IL1RL2: variants seen among roughly 807,000 people sequenced by gnomAD.
The protein encoded by IL1RL2 is interleukin 1 receptor like 2, also known as interleukin-1 receptor-like 2.
In IL1RL2, 68 loss-of-function variants were observed where a neutral mutation model predicts 66.8. The observed-to-expected ratio is 1.02, with a 90% CI of 0.84 to 1.25. The LOEUF is 1.25. Among genes scored for constraint, IL1RL2 ranks in the 50% most tolerant of loss-of-function variants. IL1RL2 has a pLI of 0.00. For missense variants in IL1RL2, 729 were observed against 709.3 expected (o/e 1.03, Z -0.32); for synonymous variants, 305 against 264.6 (o/e 1.15, Z -1.48).
At position 102,227,323 on chromosome 2, in the gene IL1RL2, C is replaced by A. The variant is rs1690708069; in HGVS notation, c.1135+1282C>A. ...GGGCCAGCTAAAACATAAAAGAGGT[C>A]ACTGGCATCAAGTGCTTGCTTTGCA... On this transcript the variant is annotated intron_variant, in intron 9 of 11. Coordinates refer to ENST00000264257, the MANE Select transcript of IL1RL2 (RefSeq NM_003854.4). 3.3e-5 allele frequency among the ~76,000 whole-genome samples: 5 copies of A among 152,180 alleles called. No homozygotes were observed. In the South Asian group the frequency reaches 1.0e-3, roughly 31 times the overall value.
chr2:102,187,947 T>C, intron 2 of IL1RL2, 22 bp downstream of exon 2: 1 of 1,610,356 alleles, frequency 6.2e-7, no homozygotes, highest in Non-Finnish European at 8.5e-7. Context: ...GTGTCCTCCG[T>C]TCCCAGAGGC....
chr2:102,231,526 TAAAATA>T (rs1412552853), intron 9 of IL1RL2, among the ~76,000 whole-genome samples: 3 of 150,314 alleles, frequency 2.0e-5, no homozygotes, highest in Non-Finnish European at 4.4e-5. Flanking sequence ...TAAAATAAAA[TAAAATA>T]AAATCCAGGA....
intron 11 of IL1RL2, 41 bp downstream of exon 11, chr2:102,235,318 G>A: frequency 6.3e-7 from 1 of 1,589,746 alleles, no homozygotes; most frequent in Non-Finnish European, 8.6e-7. Context: ...ACGCACTGAT[G>A]GAGGGTCTAT....
chr2:102,203,768 A>T (rs1342695966), intron 5 of IL1RL2, among the ~76,000 whole-genome samples: 1 of 151,666 alleles, frequency 6.6e-6, no homozygotes, highest in Non-Finnish European at 1.5e-5. Context: ...ATGTCTCCTT[A>T]TTCATTTCTG....
intron 11 of IL1RL2, among the ~76,000 whole-genome samples, chr2:102,237,269 C>A (rs1446804260): frequency 6.6e-6 from 1 of 152,226 alleles, no homozygotes; most frequent in East Asian, 1.9e-4. Flanking sequence ...CAAATCCTCA[C>A]CAAACCACGA....
At position 102,239,542 on chromosome 2, in the gene IL1RL2, C is replaced by T. The variant is rs1270807034; in HGVS notation, c.*301C>T. 4 of 323,676 alleles carry T rather than the reference C, an allele frequency of 1.2e-5. No homozygotes were observed. In the East Asian group the frequency reaches 1.7e-4, roughly 14 times the overall value. 20.1% of individuals were successfully genotyped at this position (323,676 alleles called of 1,614,324 possible). A position where few individuals can be genotyped will look rare whatever the true frequency, so the allele number is the denominator to read the frequency against. The stretch of plus-strand genomic sequence containing the variant: ...CCCCAAGTCATGGTGGGTGAGAGCT[C>T]GGAGCATCCCCATGTCATGGTGGGT... On this transcript the variant is annotated 3_prime_UTR_variant, in exon 12 of 12. Coordinates refer to ENST00000264257, the MANE Select transcript of IL1RL2 (RefSeq NM_003854.4).
At position 102,187,096 on chromosome 2, in the gene IL1RL2, G is replaced by C. The variant is rs1286426280; in HGVS notation, c.-13+10G>C. The C allele has an allele frequency of 2.8e-5, 36 of 1,289,592 alleles. No individual in the cohort carries two copies. The highest frequency in any genetic ancestry group is 3.5e-5 in the Non-Finnish European group (35 of 988,736). 79.9% of individuals were successfully genotyped at this position (1,289,592 alleles called of 1,614,324 possible). On this transcript the variant is annotated intron_variant, in intron 1 of 11. Transcript: ENST00000264257. ...TCAATCCTGCAGGCAGGTAGACACC[G>C]GGCCGGGAGTCTGGCTGAGCCAGGC...
In IL1RL2 at chr2:102,187,836, C is replaced by G; in HGVS notation, c.-12-20C>G. Reference sequence around the variant, plus strand: ...CCCTACTGCGTCCTCCCCTCCCACCCTCTTCTCCCTTCCTTGCAGCCCGGT... The same window carrying G: ...CCCTACTGCGTCCTCCCCTCCCACCGTCTTCTCCCTTCCTTGCAGCCCGGT... On this transcript the variant is annotated intron_variant, in intron 1 of 11. Transcript: ENST00000264257. The G allele has an allele frequency of 6.2e-7, 1 of 1,612,330 alleles. No homozygotes were observed. The highest frequency in any genetic ancestry group is 8.5e-7 in the Non-Finnish European group (1 of 1,178,366).
chr2:102,210,119 T>C (rs1009956009), intron 5 of IL1RL2, among the ~76,000 whole-genome samples: 2 of 152,174 alleles, frequency 1.3e-5, no homozygotes, highest in African/African-American at 2.4e-5. Context: ...GAAAGCTTTC[T>C]GATAATAGTG....
At chr2:102,218,341 T>C (rs140673234) in intron 6 of IL1RL2, among the ~76,000 whole-genome samples, 68 of 152,284 alleles carry the variant, frequency 4.5e-4, no homozygotes, top group African/African-American at 1.4e-3. Context: ...TAGAATTTAC[T>C]AAGCTCATGG....
chr2:102,222,945 C>T (rs1559554593), intron 8 of IL1RL2, among the ~76,000 whole-genome samples: 1 of 152,272 alleles, frequency 6.6e-6, no homozygotes, highest in African/African-American at 2.4e-5. Context: ...TGACCAATAG[C>T]GATTTCCATC....
chr2:102,212,071 T>C (rs1689216639), intron 5 of IL1RL2, 29 bp from the exon 6 acceptor site: 6 of 1,546,862 alleles, frequency 3.9e-6, no homozygotes, highest in Non-Finnish European at 4.5e-6. Context: ...GTGATTCTAA[T>C]GCAATTTCCT....
rs538338738 is a variant in IL1RL2, at chr2:102,220,077, A to G, written c.991+60A>G. On this transcript the variant is annotated intron_variant, in intron 8 of 11. Transcript: ENST00000264257. Reference sequence around the variant, plus strand: ...GTTCAAAACGATGGCCAGGAAACACATCTGAAGGAGCAGTGACTCTAAATG... The same window carrying G: ...GTTCAAAACGATGGCCAGGAAACACGTCTGAAGGAGCAGTGACTCTAAATG... 181 of 1,462,800 alleles carry G rather than the reference A, an allele frequency of 1.2e-4. No individual in the cohort carries two copies. In the African/African-American group the frequency reaches 2.3e-3, roughly 19 times the overall value. 90.6% of individuals were successfully genotyped at this position (1,462,800 alleles called of 1,614,324 possible).
chr2:102,202,895 A>G (rs1173791795), intron 5 of IL1RL2, among the ~76,000 whole-genome samples: 2 of 152,144 alleles, frequency 1.3e-5, no homozygotes, highest in Non-Finnish European at 2.9e-5. Flanking sequence ...TGATTTCTCT[A>G]GCTAGGACTT....
At chr2:102,215,091 C>A (rs1013266007) in intron 6 of IL1RL2, among the ~76,000 whole-genome samples, 1 of 147,338 alleles carries the variant, frequency 6.8e-6, no homozygotes, top group Non-Finnish European at 1.5e-5. Context: ...GCCTCTGCCA[C>A]CTTCATTATT....
downstream of IL1RL2, among the ~76,000 whole-genome samples, chr2:102,241,479 T>C (rs1675230738): frequency 1.3e-5 from 2 of 152,186 alleles, no homozygotes; most frequent in Admixed American, 1.3e-4. Context: ...GATAATACAA[T>C]GTTGGTATCC....
intron 9 of IL1RL2, among the ~76,000 whole-genome samples, chr2:102,226,952 C>A (rs1217874832): frequency 1.3e-5 from 2 of 152,210 alleles, no homozygotes; most frequent in Admixed American, 6.5e-5. Context: ...TCCCCAACAC[C>A]ACAGCTGTGG....
chr2:102,215,303 C>T (rs1433089037), intron 6 of IL1RL2, among the ~76,000 whole-genome samples: 2 of 152,156 alleles, frequency 1.3e-5, no homozygotes, highest in Non-Finnish European at 2.9e-5. Flanking sequence ...TAGAGTGAGT[C>T]CTGTTCTGGG....
intron 11 of IL1RL2, among the ~76,000 whole-genome samples, chr2:102,236,846 C>T (rs1674930406): frequency 6.6e-6 from 1 of 152,176 alleles, no homozygotes; most frequent in Admixed American, 6.5e-5. Context: ...ACTACTATTA[C>T]ATTTTTGATA....
Sources: allele counts gnomAD v4.1 joint callset (sites outside exome capture counted in the v4.1 genomes callset), GRCh38; gene constraint gnomAD v4.1.1; transcripts MANE v1.5; gene names NCBI Gene and HGNC (gene_info 2026-07-23, HGNC 2026-07-21).